ZFR2: variants seen among roughly 807,000 people sequenced by gnomAD.
ZFR2 encodes the protein zinc finger RNA binding protein 2, also known as zinc finger RNA-binding protein 2.
A neutral mutation model predicts 105.7 loss-of-function variants in ZFR2; 104 were observed. That is an observed-to-expected ratio of 0.98 (90% CI 0.84 to 1.16). The LOEUF (loss-of-function observed/expected upper bound fraction) is 1.16. ZFR2 is among the 50% of genes most tolerant of loss of function. ZFR2 has a pLI of 0.00. For missense variants in ZFR2, 1,425 were observed against 1,355.5 expected, an observed-to-expected ratio of 1.05 and a Z score of -0.80; for synonymous variants, 634 against 597.7, an observed-to-expected ratio of 1.06 and a Z score of -0.89.
chr19:3,816,915 T>C (rs1375531367), intron 12 of ZFR2, 70 bp from the exon 13 acceptor site: 2 of 1,408,624 alleles, frequency 1.4e-6, no homozygotes, highest in East Asian at 2.6e-5. Flanking sequence ...GCCTCCCTCC[T>C]GAGCTACGGG....
intron 1 of ZFR2, among the ~76,000 whole-genome samples, chr19:3,860,883 G>A (rs1009051594): frequency 6.6e-6 from 1 of 152,056 alleles, no homozygotes; most frequent in Admixed American, 6.5e-5. Context: ...CTCATGAGCC[G>A]CTCGTGTCAA....
intron 1 of ZFR2, chr19:3,852,646 G>T (rs2038253313): frequency 1.4e-6 from 1 of 715,824 alleles, no homozygotes; most frequent in Non-Finnish European, 2.6e-6. Context: ...GGTGGGAAGG[G>T]CATGGATATA....
At chr19:3,842,773 G>A (rs2038146864) in intron 1 of ZFR2, among the ~76,000 whole-genome samples, 2 of 152,016 alleles carry the variant, frequency 1.3e-5, no homozygotes, top group Admixed American at 6.6e-5. Context: ...GCAGGTGCAC[G>A]CCACCAAGCC....
At chr19:3,837,034 G>A (rs747623604) in intron 1 of ZFR2, among the ~76,000 whole-genome samples, 6 of 152,320 alleles carry the variant, frequency 3.9e-5, no homozygotes, top group African/African-American at 1.2e-4. Context: ...GCCCCCAACC[G>A]GGCCCTGCTG....
chr19:3,806,252 G>GC, intron 18 of ZFR2, 127 bp from the exon 19 acceptor site: 1 of 1,012,802 alleles, frequency 9.9e-7, no homozygotes, highest in Non-Finnish European at 1.3e-6. Context: ...CCTCGAGATA[G>GC]CCCCCGGCCC....
At position 3,838,901 on chromosome 19, in the gene ZFR2, G is replaced by A. The variant is rs367741708; in HGVS notation, c.54-3918C>T. Among the ~76,000 whole-genome samples, 4 of 152,176 alleles carry A rather than the reference G, an allele frequency of 2.6e-5. No individual in the cohort carries two copies. The highest frequency in any genetic ancestry group is 6.6e-5 in the Admixed American group (1 of 15,264). Reference sequence around the variant, plus strand: ...CAGCTGTCTCCCGGGGCCGCGGCACGTGGCATGCAGCAGGGGCTCCATGCA... The same window carrying A: ...CAGCTGTCTCCCGGGGCCGCGGCACATGGCATGCAGCAGGGGCTCCATGCA... On this transcript the variant is annotated intron_variant, in intron 1 of 18. Coordinates refer to ENST00000262961, the MANE Select transcript of ZFR2 (RefSeq NM_015174.2). This position sits in a 1 kb window ranked among gnomAD's most constrained non-coding sequence, Gnocchi z 4.9.
Position 3,834,780 on chromosome 19 carries a change from G to C in ZFR2, c.257C>G (p.Thr86Ser), listed in dbSNP as rs760486578. The change falls in exon 2 of 19, where the codon ACC becomes AGC. Residue 86 changes from threonine (T) to serine (S), a missense_variant. By Grantham distance (58) the Thr-to-Ser change is moderately conservative. Coordinates refer to ENST00000262961, the MANE Select transcript of ZFR2 (RefSeq NM_015174.2). This position sits in a 1 kb window ranked among gnomAD's most constrained non-coding sequence, Gnocchi z 5.3. ...EPVPTATTMA[T>S]YQDSYSYGQS... ...AAAGAAAGGACTGGATACCTGGTAG[G>C]TAGCCATGGTGGTGGCCGTGGGGAC... The C allele has an allele frequency of 8.7e-6, 14 of 1,611,870 alleles. No individual in the cohort carries two copies. In the South Asian group the frequency reaches 1.5e-4, roughly 18 times the overall value.
chr19:3,855,429 C>A (rs1376497925), intron 1 of ZFR2: 22 of 1,231,540 alleles, frequency 1.8e-5, no homozygotes, highest in Non-Finnish European at 2.2e-5. Context: ...CAGTCCCGGG[C>A]GATCCGGCGG....
chr19:3,817,737 C>A, intron 12 of ZFR2, among the ~76,000 whole-genome samples: 1 of 122,832 alleles, frequency 8.1e-6, no homozygotes, highest in African/African-American at 3.2e-5. Flanking sequence ...GCCTGGGCAA[C>A]AGAGCAAGAC....
intron 12 of ZFR2, among the ~76,000 whole-genome samples, chr19:3,817,651 A>AG (rs1319700802): frequency 2.0e-5 from 3 of 146,824 alleles, no homozygotes; most frequent in African/African-American, 7.5e-5. Context: ...CAGTACTTGG[A>AG]AGGCTGAGGC....
chr19:3,826,349 C>T (rs1390951613), intron 6 of ZFR2, among the ~76,000 whole-genome samples: 1 of 151,998 alleles, frequency 6.6e-6, no homozygotes, highest in African/African-American at 2.4e-5. Context: ...CCTGACAGCC[C>T]GGGCTACAGC....
chr19:3,819,234 G>T lies in ZFR2; in HGVS notation c.1742C>A (p.Pro581His), dbSNP rs779716943. ...PESPASAPLQ[P>H]GRRPASSDDR... ...GTCGCTGGACGCCGGCCGCCGCCCG[G>T]GCTGTGGGGAGAGGCCGCACGTGTC... Residue 581 changes from proline (P) to histidine (H), a missense_variant and splice_region_variant, in exon 12 of 19, where the codon CCC becomes CAC. By Grantham distance (77) the Pro-to-His change is moderately conservative (BLOSUM62 -2). Transcript: ENST00000262961. 1 of 1,537,564 alleles carries T rather than the reference G, an allele frequency of 6.5e-7. No homozygotes were observed. Among genetic ancestry groups the T allele is most frequent in the Non-Finnish European group, 8.7e-7 (1 of 1,150,886 alleles).
rs771452915 is a variant in ZFR2, at chr19:3,816,800, T to C, written c.1977A>G (p.Val659=). The C allele has an allele frequency of 3.1e-6, 5 of 1,592,814 alleles. No homozygotes were observed. The highest frequency in any genetic ancestry group is 4.3e-6 in the Non-Finnish European group (5 of 1,171,062). The part of the protein sequence containing the change: ...QTRVLKGVMR[V]GILAKGLLLR... Reference sequence around the variant, plus strand: ...GGAGGAGGCCTTTCGCCAGGATGCCTACTCGCATGACGCCTTTCAGGACCC... The same window carrying C: ...GGAGGAGGCCTTTCGCCAGGATGCCCACTCGCATGACGCCTTTCAGGACCC... Residue 659 remains valine (V), a synonymous_variant, in exon 13 of 19, where the codon GTA becomes GTG. Transcript: ENST00000262961.
Position 3,831,320 on chromosome 19 carries a change from T to C in ZFR2, c.835A>G (p.Ser279Gly). 6.5e-7 allele frequency: 1 copy of C among 1,547,000 alleles called. No homozygotes were observed. Among genetic ancestry groups the C allele is most frequent in the East Asian group, 2.4e-5 (1 of 41,752 alleles). The change falls in exon 5 of 19, where the codon AGC (serine) becomes GGC (glycine). Residue 279 changes from serine to glycine, a missense_variant. By Grantham distance (56) the Ser-to-Gly change is moderately conservative. Transcript: ENST00000262961. ...QLHYCDICKI[S>G]CAGPQTYREH... is the part of the protein sequence containing the mutation. ...CGACTGACCTGGGGGCCAGCGCAGCTGATCTTGCAGATGTCGCAGTAGTGA... is the reference window on the plus strand; with the variant it reads ...CGACTGACCTGGGGGCCAGCGCAGCCGATCTTGCAGATGTCGCAGTAGTGA...
chr19:3,811,807 C>A (rs898280181), intron 14 of ZFR2, among the ~76,000 whole-genome samples: 12 of 152,024 alleles, frequency 7.9e-5, no homozygotes, highest in African/African-American at 2.7e-4. Context: ...GTGGCCCAGG[C>A]TGGAGTGCAG....
At chr19:3,809,123 G>A (rs2037735198) in intron 16 of ZFR2, 140 bp from the exon 17 acceptor site, 5 of 602,158 alleles carry the variant, frequency 8.3e-6, no homozygotes, top group Admixed American at 3.8e-5. Flanking sequence ...CTTCCGCCGA[G>A]GAGGGCTGCC....
intron 10 of ZFR2, 124 bp downstream of exon 10, chr19:3,821,216 C>CT (rs1443506616): frequency 1.4e-4 from 186 of 1,325,392 alleles, no homozygotes; most frequent in Non-Finnish European, 1.7e-4. Flanking sequence ...GGGCACCCGT[C>CT]TCCCCCCACT....
At chr19:3,811,224 T>C in intron 15 of ZFR2, 48 bp downstream of exon 15, 1 of 1,488,700 alleles carries the variant, frequency 6.7e-7, no homozygotes, top group Non-Finnish European at 9.0e-7. Flanking sequence ...CTGAGCTACG[T>C]TCCTCAAAGT....
At chr19:3,856,005 T>C (rs1236290577) in intron 1 of ZFR2, among the ~76,000 whole-genome samples, 1 of 152,160 alleles carries the variant, frequency 6.6e-6, no homozygotes, top group Non-Finnish European at 1.5e-5. Flanking sequence ...GGGGCCTCTT[T>C]GGCGCTGTGC....
Sources: gnomAD v4.1 joint callset for allele counts (sites outside exome capture counted in the v4.1 genomes callset) on GRCh38, gnomAD v4.1.1 for gene constraint, Gnocchi (gnomAD v3.1) non-coding constraint, MANE v1.5 for transcripts, NCBI Gene and HGNC (gene_info 2026-07-23, HGNC 2026-07-21) for gene names.